Variants in AGBL4 observed in about 807,000 individuals in gnomAD.
AGBL4 encodes the protein cytosolic carboxypeptidase 6.
In AGBL4, 58 loss-of-function variants were observed where a neutral mutation model predicts 66.4. The observed-to-expected ratio is 0.87, with a 90% confidence interval of 0.71 to 1.09. The LOEUF (loss-of-function observed/expected upper bound fraction) is 1.09. Ranked by LOEUF, AGBL4 falls within the 50% of genes least tolerant of loss-of-function variation. AGBL4 has a pLI of 0.00. For missense variants in AGBL4, 579 were observed against 631.0 expected (o/e 0.92, Z 0.88); for synonymous variants, 234 against 222.9 (o/e 1.05, Z -0.44).
chr1:49,727,817 A>C (rs1398142283), intron 2 of AGBL4, among the ~76,000 whole-genome samples: 4 of 152,128 alleles, frequency 2.6e-5, no homozygotes, highest in Admixed American at 2.0e-4. Context: ...AAAAACTCCA[A>C]GTATTTGACA....
intron 3 of AGBL4, among the ~76,000 whole-genome samples, chr1:49,597,915 G>C (rs1319240864): frequency 6.6e-6 from 1 of 152,060 alleles, no homozygotes; most frequent in Non-Finnish European, 1.5e-5. Context: ...GAAGATTTTG[G>C]GCTGAGCCGA....
intron 3 of AGBL4, among the ~76,000 whole-genome samples, chr1:49,601,666 C>T (rs866908036): frequency 6.6e-6 from 1 of 152,070 alleles, no homozygotes; most frequent in Non-Finnish European, 1.5e-5. Flanking sequence ...AAAACTGAAA[C>T]TGGACCCCTT....
intron 2 of AGBL4, chr1:49,844,980 T>C: frequency 7.1e-7 from 1 of 1,403,578 alleles, no homozygotes; most frequent in Non-Finnish European, 1.0e-6. Context: ...CAATGACTCC[T>C]GAACAACAAG....
intron 4 of AGBL4, among the ~76,000 whole-genome samples, chr1:49,069,346 A>C (rs1644554141): frequency 6.6e-6 from 1 of 152,166 alleles, no homozygotes; most frequent in African/African-American, 2.4e-5. Flanking sequence ...GATTTCTTCA[A>C]GGGTTTTTAT....
intron 3 of AGBL4, among the ~76,000 whole-genome samples, chr1:49,473,483 A>C (rs1646787699): frequency 6.6e-6 from 1 of 151,850 alleles, no homozygotes. Flanking sequence ...ATTTTTTAAT[A>C]GAGATGTTTG....
chr1:48,982,591 C>T (rs1659865964), intron 5 of AGBL4, among the ~76,000 whole-genome samples: 1 of 152,044 alleles, frequency 6.6e-6, no homozygotes, highest in South Asian at 2.1e-4. Context: ...TTTCTTAATC[C>T]AGTCTATCAT....
At chr1:49,738,276 G>T (rs1320473894) in intron 2 of AGBL4, among the ~76,000 whole-genome samples, 1 of 152,200 alleles carries the variant, frequency 6.6e-6, no homozygotes, top group African/African-American at 2.4e-5. Context: ...GCCTGGATCG[G>T]GGGTCCTACG....
intron 3 of AGBL4, among the ~76,000 whole-genome samples, chr1:49,688,432 A>G (rs1401577073): frequency 6.6e-6 from 1 of 152,206 alleles, no homozygotes; most frequent in African/African-American, 2.4e-5. Context: ...ATGGCTGAAT[A>G]GTACTCCATT....
intron 3 of AGBL4, among the ~76,000 whole-genome samples, chr1:49,617,140 C>T (rs1171102852): frequency 6.6e-6 from 1 of 152,186 alleles, no homozygotes; most frequent in Non-Finnish European, 1.5e-5. Context: ...TCTTTAGCCT[C>T]ATCTTCCATT....
At chr1:49,424,069 T>TAA (rs1645605671) in intron 3 of AGBL4, among the ~76,000 whole-genome samples, 1 of 152,158 alleles carries the variant, frequency 6.6e-6, no homozygotes, top group Non-Finnish European at 1.5e-5. Flanking sequence ...CAACACCCTC[T>TAA]GGTCTGCTAA....
intron 5 of AGBL4, among the ~76,000 whole-genome samples, chr1:48,975,688 G>A (rs1361950376): frequency 6.6e-6 from 1 of 152,092 alleles, no homozygotes; most frequent in African/African-American, 2.4e-5. Context: ...TGATATAGCG[G>A]CATACAAGGT....
intron 4 of AGBL4, among the ~76,000 whole-genome samples, chr1:49,204,442 G>GAA (rs951251187): frequency 6.8e-6 from 1 of 146,864 alleles, no homozygotes; most frequent in South Asian, 2.2e-4. Flanking sequence ...GGCTAGTTAA[G>GAA]AAAAAAAAAA....
At chr1:49,939,351 AC>A (rs1186704082) in intron 1 of AGBL4, among the ~76,000 whole-genome samples, 1 of 152,060 alleles carries the variant, frequency 6.6e-6, no homozygotes, top group Non-Finnish European at 1.5e-5. Flanking sequence ...GGAAAAAACT[AC>A]TTTAAAGTTC....
chr1:48,549,931 A>G (rs1165456573), intron 11 of AGBL4, among the ~76,000 whole-genome samples: 1 of 152,136 alleles, frequency 6.6e-6, no homozygotes. Flanking sequence ...TGAAATAGAG[A>G]CAGGAACAGT....
chr1:49,533,500 T>G (rs1225766305), intron 3 of AGBL4, among the ~76,000 whole-genome samples: 1 of 152,102 alleles, frequency 6.6e-6, no homozygotes, highest in East Asian at 1.9e-4. Flanking sequence ...ACAGAGAAGC[T>G]TCAAATACAA....
At chr1:48,706,871 C>T (rs1428619845) in intron 6 of AGBL4, among the ~76,000 whole-genome samples, 1 of 152,176 alleles carries the variant, frequency 6.6e-6, no homozygotes, top group Non-Finnish European at 1.5e-5. Flanking sequence ...CCTCTGACAT[C>T]CGGAATAGTC....
intron 5 of AGBL4, among the ~76,000 whole-genome samples, chr1:49,019,084 A>G (rs1435544775): frequency 6.6e-6 from 1 of 152,194 alleles, no homozygotes; most frequent in Non-Finnish European, 1.5e-5. Flanking sequence ...GAGAATAGGA[A>G]GTATGAGCTA....
chr1:49,845,703 A>G lies in AGBL4; in HGVS notation c.157+5693T>C, dbSNP rs530798958. ...CTGGGAAAGCCTTCAGCCAGAGCAC[A>G]TTCCTGACTGAGCATCAGAGGATTT... On this transcript the variant is annotated intron_variant, in intron 2 of 13. Coordinates refer to ENST00000371839, the MANE Select transcript of AGBL4 (RefSeq NM_032785.4). The G allele has an allele frequency of 3.1e-6, 5 of 1,594,656 alleles. No individual in the cohort carries two copies. The South Asian group carries it at 3.3e-5, about 11-fold the overall frequency.
chr1:48,967,502 A>C (rs1336329090), intron 5 of AGBL4, among the ~76,000 whole-genome samples: 1 of 152,188 alleles, frequency 6.6e-6, no homozygotes, highest in Admixed American at 6.6e-5. Flanking sequence ...TAGCTGAACA[A>C]TCACACCACT....
Sources: gnomAD v4.1 joint callset for allele counts (sites outside exome capture counted in the v4.1 genomes callset) on GRCh38, gnomAD v4.1.1 for gene constraint, MANE v1.5 for transcripts, NCBI Gene and HGNC (gene_info 2026-07-23, HGNC 2026-07-21) for gene names.